Variants in RBFOX1 observed in about 807,000 individuals in gnomAD.
The protein encoded by RBFOX1 is RNA binding fox-1 homolog 1, also known as RNA binding protein fox-1 homolog 1.
In RBFOX1, 8 loss-of-function variants were observed where a neutral mutation model predicts 57.7. The ratio of observed to expected loss-of-function variants is 0.14; its 90% CI spans 0.08 to 0.25. The LOEUF is 0.25. Among genes scored for constraint, RBFOX1 ranks in the 10% least tolerant of loss-of-function variants. RBFOX1 has a pLI of 1.00. For synonymous variants in RBFOX1, 326 were observed against 222.4 expected (o/e 1.47, Z -4.15); for missense variants, 611 against 548.5 (o/e 1.11, Z -1.14).
At chr16:6,929,121 C>G (rs1035730204) in intron 3 of RBFOX1, among the ~76,000 whole-genome samples, 1 of 152,144 alleles carries the variant, frequency 6.6e-6, no homozygotes, top group African/African-American at 2.4e-5. Context: ...CATTGCAACT[C>G]TTCAATACTT....
intron 3 of RBFOX1, among the ~76,000 whole-genome samples, chr16:5,606,656 C>T (rs1016007162): frequency 2.0e-5 from 3 of 152,136 alleles, no homozygotes; most frequent in Non-Finnish European, 4.4e-5. Context: ...TAAGAAGTAG[C>T]CCATAACTGA....
intron 3 of RBFOX1, among the ~76,000 whole-genome samples, chr16:5,732,287 G>C (rs1307397448): frequency 1.2e-4 from 18 of 152,160 alleles, no homozygotes; most frequent in Admixed American, 1.2e-3. Context: ...TAAAATTCAA[G>C]AGTTTAAAGA....
chr16:7,032,650 A>G (rs537347227), intron 3 of RBFOX1, among the ~76,000 whole-genome samples: 2 of 152,152 alleles, frequency 1.3e-5, no homozygotes, highest in Admixed American at 1.3e-4. Context: ...TAATTGCTTG[A>G]TGGAATTAAA....
intron 1 of RBFOX1, among the ~76,000 whole-genome samples, chr16:6,270,426 G>A (rs2075067617): frequency 6.8e-6 from 1 of 146,838 alleles, no homozygotes; most frequent in South Asian, 2.2e-4. Flanking sequence ...GAAAGTAGGA[G>A]TAGCTATATT....
chr16:7,017,008 T>C (rs1271423657), intron 3 of RBFOX1, among the ~76,000 whole-genome samples: 1 of 152,202 alleles, frequency 6.6e-6, no homozygotes, highest in African/African-American at 2.4e-5. Flanking sequence ...AGCGACCCTC[T>C]TTCTTTCATG....
chr16:6,196,841 C>T (rs894665753), intron 1 of RBFOX1, among the ~76,000 whole-genome samples: 2 of 150,862 alleles, frequency 1.3e-5, no homozygotes, highest in African/African-American at 4.9e-5. Context: ...ACATTGATTT[C>T]CTACTCCGTC....
chr16:5,569,992 T>G (rs1440862584), intron 2 of RBFOX1, among the ~76,000 whole-genome samples: 1 of 152,168 alleles, frequency 6.6e-6, no homozygotes, highest in Non-Finnish European at 1.5e-5. Flanking sequence ...GATTTTCACA[T>G]TAGGAGTGGA....
chr16:6,562,109 A>G (rs7359350), intron 2 of RBFOX1, among the ~76,000 whole-genome samples: 4,316 of 152,290 alleles, frequency 0.028, 211 homozygotes, highest in African/African-American at 0.099. Flanking sequence ...TGTCGGCTGC[A>G]TGGGTAGAGA....
At chr16:5,774,231 C>G (rs1231706965) in intron 3 of RBFOX1, among the ~76,000 whole-genome samples, 1 of 152,072 alleles carries the variant, frequency 6.6e-6, no homozygotes. Context: ...GAGAAAGGGC[C>G]CATTACCTTA....
Position 6,816,427 on chromosome 16 carries a change from T to A in RBFOX1, c.-16+161777T>A, listed in dbSNP as rs544757766. ...CAGACTGGCCCCTTCATGTAATTTT[T>A]TTTTTTTTTTTTTAAAGAAACAGGG... On this transcript the variant is annotated intron_variant, in intron 3 of 15. Transcript: ENST00000550418. 1.6e-4 allele frequency among the ~76,000 whole-genome samples: 25 copies of A among 151,872 alleles called. No individual in the cohort carries two copies. In the East Asian group the frequency reaches 4.4e-3, roughly 27 times the overall value.
intron 2 of RBFOX1, among the ~76,000 whole-genome samples, chr16:5,530,690 C>T (rs549833823): frequency 4.1e-4 from 63 of 152,248 alleles, no homozygotes; most frequent in African/African-American, 1.4e-3. Flanking sequence ...CCAACCCATT[C>T]CCAGGTGAGA....
chr16:7,173,602 G>T (rs2081124193), intron 4 of RBFOX1, among the ~76,000 whole-genome samples: 1 of 151,942 alleles, frequency 6.6e-6, no homozygotes, highest in Non-Finnish European at 1.5e-5. Context: ...CACTTCAACT[G>T]CAATATTCAG....
intron 4 of RBFOX1, among the ~76,000 whole-genome samples, chr16:7,303,760 G>A (rs1014028835): frequency 7.1e-6 from 1 of 139,900 alleles, no homozygotes; most frequent in Admixed American, 7.2e-5. Flanking sequence ...CCTCCCTCTC[G>A]CTCTCTCTCT....
chr16:7,403,765 C>G (rs1440034873), intron 4 of RBFOX1, among the ~76,000 whole-genome samples: 1 of 152,022 alleles, frequency 6.6e-6, no homozygotes, highest in Non-Finnish European at 1.5e-5. Flanking sequence ...AGGTTGGTCT[C>G]GAACTCCTGA....
intron 2 of RBFOX1, among the ~76,000 whole-genome samples, chr16:6,550,761 C>G (rs767045891): frequency 6.6e-5 from 10 of 152,216 alleles, no homozygotes; most frequent in Non-Finnish European, 1.3e-4. Context: ...GTTTTAGTTT[C>G]TAAGAATTTA....
chr16:5,675,715 G>C (rs1229516211), intron 3 of RBFOX1, among the ~76,000 whole-genome samples: 2 of 152,152 alleles, frequency 1.3e-5, no homozygotes, highest in East Asian at 1.9e-4. Context: ...CTGTCAGGGA[G>C]GGATAGATGA....
At chr16:7,343,463 T>A (rs1339117814) in intron 4 of RBFOX1, among the ~76,000 whole-genome samples, 1 of 152,088 alleles carries the variant, frequency 6.6e-6, no homozygotes, top group African/African-American at 2.4e-5. Flanking sequence ...GTACAAGGGC[T>A]TTGTTGAGGT....
intron 1 of RBFOX1, among the ~76,000 whole-genome samples, chr16:6,241,552 G>T (rs909194459): frequency 1.3e-5 from 2 of 152,208 alleles, no homozygotes; most frequent in Admixed American, 6.5e-5. Flanking sequence ...TACACAGTTA[G>T]ATGGTAAAGT....
intron 1 of RBFOX1, among the ~76,000 whole-genome samples, chr16:5,351,058 G>C (rs1206437979): frequency 6.6e-6 from 1 of 152,126 alleles, no homozygotes; most frequent in African/African-American, 2.4e-5. Flanking sequence ...CGTGAACCAG[G>C]TATTGCGCTG....
Sources: allele counts gnomAD v4.1 joint callset (sites outside exome capture counted in the v4.1 genomes callset), GRCh38; gene constraint gnomAD v4.1.1; transcripts MANE v1.5; gene names NCBI Gene and HGNC (gene_info 2026-07-23, HGNC 2026-07-21).